GOLGA4: variants seen among roughly 807,000 people sequenced by gnomAD.
GOLGA4 encodes golgin A4.
GOLGA4 carries 169 observed loss-of-function variants against 265.9 expected under a neutral mutation model. The observed-to-expected ratio is 0.64, with a 90% CI of 0.56 to 0.72. The LOEUF is 0.72. GOLGA4 is among the 30% of genes least tolerant of loss of function. The pLI, the probability that GOLGA4 is intolerant of heterozygous loss-of-function variation, is 0.00. For synonymous variants in GOLGA4, 923 were observed against 855.8 expected, an observed-to-expected ratio of 1.08 and a Z score of -1.37; for missense variants, 2,482 against 2,483.4, an observed-to-expected ratio of 1.00 and a Z score of 0.01.
intron 2 of GOLGA4, among the ~76,000 whole-genome samples, chr3:37,267,288 T>C (rs2096786369): frequency 6.6e-6 from 1 of 152,362 alleles, no homozygotes; most frequent in African/African-American, 2.4e-5. Flanking sequence ...GTTCTACTAT[T>C]GATGGGCGGT....
intron 16 of GOLGA4, among the ~76,000 whole-genome samples, chr3:37,334,075 T>C (rs2097000894): frequency 6.6e-6 from 1 of 152,190 alleles, no homozygotes; most frequent in South Asian, 2.1e-4. Flanking sequence ...ATTCCAAATA[T>C]TATTTTAGCA....
intron 2 of GOLGA4, among the ~76,000 whole-genome samples, chr3:37,253,593 A>G (rs1220819825): frequency 6.6e-6 from 1 of 152,198 alleles, no homozygotes; most frequent in African/African-American, 2.4e-5. Context: ...AAAGAAATAA[A>G]TAAACTTTAG....
At chr3:37,328,565 C>A (rs771396917) in intron 15 of GOLGA4, 28 bp downstream of exon 15, 3 of 1,585,760 alleles carry the variant, frequency 1.9e-6, no homozygotes, top group Non-Finnish European at 2.6e-6. Flanking sequence ...CCATAAGGAA[C>A]AATTATATCA....
At chr3:37,272,590 A>G (rs961050077) in intron 2 of GOLGA4, among the ~76,000 whole-genome samples, 1 of 152,212 alleles carries the variant, frequency 6.6e-6, no homozygotes, top group African/African-American at 2.4e-5. Flanking sequence ...ACACCTAAAA[A>G]TTAATAATTT....
intron 2 of GOLGA4, among the ~76,000 whole-genome samples, chr3:37,277,202 CTT>C (rs1417842200): frequency 6.6e-6 from 1 of 152,178 alleles, no homozygotes; most frequent in Non-Finnish European, 1.5e-5. Context: ...ATCATCATCT[CTT>C]GTAATTTCTT....
At position 37,326,124 on chromosome 3, in the gene GOLGA4, A is replaced by T. The variant is rs2150967844; in HGVS notation, c.4238A>T (p.Gln1413Leu). The T allele has an allele frequency of 6.2e-7, 1 of 1,613,756 alleles. No individual in the cohort carries two copies. Among genetic ancestry groups the T allele is most frequent in the Non-Finnish European group, 8.5e-7 (1 of 1,179,732 alleles). The stretch of plus-strand genomic sequence containing the variant: ...GAAGAAAAATGTGAATTGCTGGATC[A>T]GGTGCAAGATTTATCTTTTAAAGTT... ...YDEEKCELLD[Q>L]VQDLSFKVDT... Residue 1413 changes from glutamine to leucine, a missense_variant, in exon 14 of 24, where the codon CAG becomes CTG. Gln to Leu is a moderately radical substitution (Grantham distance 113). Coordinates refer to ENST00000361924, the MANE Select transcript of GOLGA4 (RefSeq NM_002078.5).
Position 37,326,572 on chromosome 3 carries a change from G to A in GOLGA4, c.4686G>A (p.Leu1562=). ...AAAAGGATATTGAACACAAAGAATT[G>A]GTTCAGAAACTTCAACATTTTCAAG... is the stretch of plus-strand genomic sequence containing the variant. The part of the protein sequence containing the change: ...NQQKDIEHKE[L]VQKLQHFQEL... The change falls in exon 14 of 24, where the codon TTG becomes TTA. Residue 1562 remains leucine, a synonymous_variant. Transcript: ENST00000361924. The A allele has an allele frequency of 6.2e-7, 1 of 1,611,990 alleles. No individual in the cohort carries two copies. The highest frequency in any genetic ancestry group is 8.5e-7 in the Non-Finnish European group (1 of 1,178,562).
At chr3:37,260,505 G>A (rs558075314) in intron 2 of GOLGA4, among the ~76,000 whole-genome samples, 18 of 152,078 alleles carry the variant, frequency 1.2e-4, no homozygotes, top group East Asian at 9.7e-4. Flanking sequence ...GTATGTTGGC[G>A]GGCACCTGTA....
intron 2 of GOLGA4, among the ~76,000 whole-genome samples, chr3:37,257,901 A>G (rs1578368145): frequency 7.7e-6 from 1 of 130,530 alleles, no homozygotes; most frequent in African/African-American, 2.9e-5. Context: ...ATACATATAT[A>G]TATATATATA....
chr3:37,320,842 T>A (rs2096952839), intron 12 of GOLGA4, among the ~76,000 whole-genome samples: 1 of 152,140 alleles, frequency 6.6e-6, no homozygotes. Flanking sequence ...TCCTCCTTTA[T>A]GGGCATATAG....
At chr3:37,276,577 A>G (rs1578457979) in intron 2 of GOLGA4, 1 of 1,590,762 alleles carries the variant, frequency 6.3e-7, no homozygotes, top group East Asian at 2.2e-5. Context: ...ATGAATGTGG[A>G]AATCGATGGA....
chr3:37,305,711 G>A (rs2096904314), intron 10 of GOLGA4, among the ~76,000 whole-genome samples: 1 of 152,138 alleles, frequency 6.6e-6, no homozygotes, highest in South Asian at 2.1e-4. Context: ...CTTGCTATTA[G>A]GATTTTAGAA....
intron 1 of GOLGA4, among the ~76,000 whole-genome samples, chr3:37,244,804 G>T (rs2096714589): frequency 1.3e-5 from 2 of 152,154 alleles, no homozygotes; most frequent in South Asian, 4.1e-4. Context: ...AGTGCAAATG[G>T]TAATTAAAAT....
At position 37,325,727 on chromosome 3, in the gene GOLGA4, T is replaced by C. The variant is rs760027536; in HGVS notation, c.3841T>C (p.Leu1281=). The C allele has an allele frequency of 1.9e-5, 30 of 1,613,596 alleles. No homozygotes were observed. Among genetic ancestry groups the C allele is most frequent in the Non-Finnish European group, 2.5e-5 (29 of 1,179,702 alleles). Residue 1281 remains leucine (L), a synonymous_variant, in exon 14 of 24, where the codon TTG becomes CTG. Coordinates refer to ENST00000361924, the MANE Select transcript of GOLGA4 (RefSeq NM_002078.5). The part of the protein sequence containing the change: ...VSELEAQLRQ[L]TEEQNTLNIS... Reference sequence around the variant, plus strand: ...TGAATTAGAAGCACAACTTAGACAGTTGACAGAGGAGCAAAATACACTAAA... The same window carrying C: ...TGAATTAGAAGCACAACTTAGACAGCTGACAGAGGAGCAAAATACACTAAA...
intron 2 of GOLGA4, among the ~76,000 whole-genome samples, chr3:37,279,715 G>A (rs552411636): frequency 7.2e-5 from 11 of 152,114 alleles, no homozygotes; most frequent in African/African-American, 2.4e-4. Flanking sequence ...GAGACCAGCC[G>A]GGCCAACGTG....
Position 37,323,984 on chromosome 3 carries a change from C to T in GOLGA4, c.2098C>T (p.Arg700Cys), listed in dbSNP as rs759230618. 1.2e-5 allele frequency: 20 copies of T among 1,613,398 alleles called. No individual in the cohort carries two copies. Among genetic ancestry groups the T allele is most frequent in the Middle Eastern group, 1.6e-4 (1 of 6,082 alleles). Residue 700 changes from arginine to cysteine, a missense_variant, in exon 14 of 24, where the codon CGT (arginine) becomes TGT (cysteine). Physicochemically the swap from Arg to Cys is radical, Grantham distance 180. Around this residue, in one of 3 missense-constraint regions of GOLGA4, gnomAD observed 1,536 missense variants for 1,483.7 expected, o/e 1.04. Transcript: ENST00000361924. ...TGAACTGTCAGAAGTATTAAAAGCCCGTCACAAACTAGAAGAGGAACTTTC... is the reference window on the plus strand; with the variant it reads ...TGAACTGTCAGAAGTATTAAAAGCCTGTCACAAACTAGAAGAGGAACTTTC... ...SSELSEVLKA[R>C]HKLEEELSVL...
At chr3:37,246,668 G>A (rs1466044688) in intron 1 of GOLGA4, among the ~76,000 whole-genome samples, 1 of 152,200 alleles carries the variant, frequency 6.6e-6, no homozygotes, top group Non-Finnish European at 1.5e-5. Flanking sequence ...TTGGAAAGAT[G>A]AAAACGTACT....
intron 2 of GOLGA4, among the ~76,000 whole-genome samples, chr3:37,278,970 G>A (rs1007769523): frequency 2.0e-5 from 3 of 151,942 alleles, no homozygotes; most frequent in Non-Finnish European, 2.9e-5. Context: ...CAGCCATCAC[G>A]TCTGGCTTGT....
chr3:37,313,541 G>A (rs1578643697), intron 10 of GOLGA4: 1 of 152,162 alleles, frequency 6.6e-6, no homozygotes, highest in East Asian at 1.9e-4. Flanking sequence ...CACCCATCTT[G>A]AAAACTGAGT....
Sources: allele counts gnomAD v4.1 joint callset (sites outside exome capture counted in the v4.1 genomes callset), GRCh38; gene constraint gnomAD v4.1.1; regional missense constraint gnomAD v4.1.1; transcripts MANE v1.5; gene names NCBI Gene and HGNC (gene_info 2026-07-23, HGNC 2026-07-21).